Variants in LRFN5 observed in about 807,000 individuals in gnomAD.
LRFN5 encodes leucine-rich repeat and fibronectin type-III domain-containing protein 5.
Under a neutral mutation model 45.6 loss-of-function variants are expected in LRFN5, and 24 were observed. The ratio of observed to expected loss-of-function variants is 0.53; its 90% CI spans 0.38 to 0.74. The LOEUF (loss-of-function observed/expected upper bound fraction) is 0.74. LRFN5 is among the 30% of genes least tolerant of loss of function. The pLI, the probability that LRFN5 is intolerant of heterozygous loss-of-function variation, is 0.00. For missense variants in LRFN5, 776 were observed against 861.5 expected, an observed-to-expected ratio of 0.90 and a Z score of 1.24; for synonymous variants, 340 against 313.8, an observed-to-expected ratio of 1.08 and a Z score of -0.88.
At chr14:41,886,332 TA>T (rs1890570208) in intron 2 of LRFN5, among the ~76,000 whole-genome samples, 1 of 152,242 alleles carries the variant, frequency 6.6e-6, no homozygotes, top group Admixed American at 6.5e-5. Flanking sequence ...TGGACATACT[TA>T]AAAAATGGCG....
chr14:41,878,203 G>A (rs1254404871), intron 2 of LRFN5, among the ~76,000 whole-genome samples: 1 of 151,990 alleles, frequency 6.6e-6, no homozygotes, highest in Non-Finnish European at 1.5e-5. Flanking sequence ...TCACAATACT[G>A]TAGCCGTTTA....
At chr14:41,670,071 A>G (rs1164415390) in intron 1 of LRFN5, among the ~76,000 whole-genome samples, 2 of 148,612 alleles carry the variant, frequency 1.3e-5, no homozygotes, top group Non-Finnish European at 3.0e-5. Flanking sequence ...TACTATATGC[A>G]CCTATATATA....
chr14:41,662,761 C>CTGT (rs760565769), intron 1 of LRFN5, among the ~76,000 whole-genome samples: 12 of 152,030 alleles, frequency 7.9e-5, no homozygotes, highest in African/African-American at 1.9e-4. Context: ...TCAGGGAGTG[C>CTGT]TGACAACTGC....
chr14:41,879,084 A>G (rs368968130), intron 2 of LRFN5, among the ~76,000 whole-genome samples: 6 of 152,170 alleles, frequency 3.9e-5, no homozygotes, highest in African/African-American at 1.4e-4. Context: ...GGAGTAGTCC[A>G]GATTTTATTG....
chr14:41,783,106 A>G (rs2138923706), intron 2 of LRFN5, among the ~76,000 whole-genome samples: 1 of 151,768 alleles, frequency 6.6e-6, no homozygotes, highest in African/African-American at 2.4e-5. Flanking sequence ...CCTTGTGGAG[A>G]AAAATCTGGG....
chr14:41,654,024 A>G (rs1301286564), intron 1 of LRFN5, among the ~76,000 whole-genome samples: 2 of 152,040 alleles, frequency 1.3e-5, no homozygotes, highest in African/African-American at 2.4e-5. Context: ...CAGGAAGGGG[A>G]ACATCACACA....
At chr14:41,763,159 T>C (rs2138873672) in intron 1 of LRFN5, among the ~76,000 whole-genome samples, 2 of 152,206 alleles carry the variant, frequency 1.3e-5, no homozygotes, top group Admixed American at 1.3e-4. Flanking sequence ...ATGTATAAGG[T>C]TTTATGATGA....
chr14:41,723,629 T>A (rs1219955408), intron 1 of LRFN5, among the ~76,000 whole-genome samples: 1 of 151,900 alleles, frequency 6.6e-6, no homozygotes, highest in Non-Finnish European at 1.5e-5. Context: ...ACAGACTGGT[T>A]CCAGGTCCCC....
At chr14:41,902,609 A>G (rs1211721577) in intron 5 of LRFN5, among the ~76,000 whole-genome samples, 3 of 151,868 alleles carry the variant, frequency 2.0e-5, no homozygotes, top group African/African-American at 4.8e-5. Flanking sequence ...GTGAAACTCT[A>G]GTAAATCTTT....
chr14:41,786,541 G>A (rs1381207910), intron 2 of LRFN5, among the ~76,000 whole-genome samples: 1 of 86,652 alleles, frequency 1.2e-5, no homozygotes, highest in African/African-American at 3.8e-5. Context: ...TCCTCTTTAT[G>A]AGTTTTTTTT....
chr14:41,818,227 A>G (rs1382489910), intron 2 of LRFN5, among the ~76,000 whole-genome samples: 16 of 151,638 alleles, frequency 1.1e-4, no homozygotes. Context: ...TATTTCCTGG[A>G]TAAATACTTA....
intron 2 of LRFN5, among the ~76,000 whole-genome samples, chr14:41,877,468 TAAAG>T (rs1020498935): frequency 6.6e-6 from 1 of 152,130 alleles, no homozygotes; most frequent in Non-Finnish European, 1.5e-5. Context: ...ATCTATAAAA[TAAAG>T]AAATTACTAC....
chr14:41,692,954 A>G (rs1026115456), intron 1 of LRFN5, among the ~76,000 whole-genome samples: 2 of 152,028 alleles, frequency 1.3e-5, no homozygotes, highest in Admixed American at 6.6e-5. Context: ...TTTTTCCTGT[A>G]GATATCCATT....
At chr14:41,756,901 G>A (rs1357248727) in intron 1 of LRFN5, among the ~76,000 whole-genome samples, 1 of 152,006 alleles carries the variant, frequency 6.6e-6, no homozygotes, top group Non-Finnish European at 1.5e-5. Flanking sequence ...TCTACCTTTG[G>A]TCTTTGATGA....
intron 1 of LRFN5, among the ~76,000 whole-genome samples, chr14:41,744,492 AC>A (rs1884838013): frequency 6.6e-6 from 1 of 152,210 alleles, no homozygotes; most frequent in Admixed American, 6.6e-5. Flanking sequence ...TATATGGAAA[AC>A]AAATAGCAAC....
intron 1 of LRFN5, among the ~76,000 whole-genome samples, chr14:41,723,995 C>T (rs142482975): frequency 5.6e-4 from 86 of 152,264 alleles, no homozygotes; most frequent in Middle Eastern, 3.4e-3. Flanking sequence ...TCCAAGTTAG[C>T]TCCAGGTCTG....
In LRFN5 at chr14:41,696,068, A is replaced by G. The variant is rs72686507; in HGVS notation, c.-196-70786A>G. ...ACAGACATTTGGAAGTTTGATTCCA[A>G]CTTTCATGGACAACTTTGAGGGGTT... On this transcript the variant is annotated intron_variant, in intron 1 of 5. Coordinates refer to ENST00000298119, the MANE Select transcript of LRFN5 (RefSeq NM_152447.5). Among the ~76,000 whole-genome samples the G allele has an allele frequency of 4.7e-3, 717 of 152,032 alleles. 2 individuals are homozygous for G. Among genetic ancestry groups the G allele is most frequent in the South Asian group, 0.01 (50 of 4,828 alleles).
intron 4 of LRFN5, chr14:41,894,734 G>T (rs1283320666): frequency 1.0e-6 from 1 of 984,384 alleles, no homozygotes; most frequent in Non-Finnish European, 1.2e-6. Flanking sequence ...ATGAGTAAAT[G>T]AATAGGTAAA....
intron 5 of LRFN5, among the ~76,000 whole-genome samples, chr14:41,901,349 A>G (rs563493957): frequency 6.6e-6 from 1 of 152,100 alleles, no homozygotes; most frequent in South Asian, 2.1e-4. Context: ...ATAGTTGAGT[A>G]GTTTCCATTT....
Sources: allele counts gnomAD v4.1 joint callset (sites outside exome capture counted in the v4.1 genomes callset), GRCh38; gene constraint gnomAD v4.1.1; transcripts MANE v1.5; gene names NCBI Gene and HGNC (gene_info 2026-07-23, HGNC 2026-07-21).